RFX6: variants seen among roughly 807,000 people sequenced by gnomAD.
RFX6 encodes the protein regulatory factor X6.
A neutral mutation model predicts 110.8 loss-of-function variants in RFX6; 50 were observed. The ratio of observed to expected loss-of-function variants is 0.45; its 90% confidence interval spans 0.36 to 0.57. RFX6 has a LOEUF of 0.57. RFX6 is among the 20% of genes least tolerant of loss of function. RFX6 has a pLI of 0.00. For missense variants in RFX6, 990 were observed against 1,127.0 expected (o/e 0.88, Z 1.74); for synonymous variants, 383 against 411.2 (o/e 0.93, Z 0.83).
At chr6:116,884,612 G>A (rs1259564903) in intron 4 of RFX6, among the ~76,000 whole-genome samples, 1 of 152,144 alleles carries the variant, frequency 6.6e-6, no homozygotes, top group Admixed American at 6.6e-5. Flanking sequence ...TAAATAGATA[G>A]GGGGAAAAGA....
Position 116,877,825 on chromosome 6 carries a change from T to C in RFX6, c.253T>C (p.Ser85Pro). 6.2e-7 allele frequency: 1 copy of C among 1,614,098 alleles called. No homozygotes were observed. Among genetic ancestry groups the C allele is most frequent in the Non-Finnish European group, 8.5e-7 (1 of 1,180,016 alleles). Reference sequence around the variant, plus strand: ...GCACTTAAACAATGGTAACTTTTCCTCTGAAGAAGAGGACGCCGACAACCA... The same window carrying C: ...GCACTTAAACAATGGTAACTTTTCCCCTGAAGAAGAGGACGCCGACAACCA... ...EMHLNNGNFS[S>P]EEEDADNHDS... Residue 85 changes from serine (S) to proline (P), a missense_variant, in exon 2 of 19, where the codon TCT becomes CCT. Transcript: ENST00000332958.
intron 6 of RFX6, among the ~76,000 whole-genome samples, chr6:116,897,922 G>A (rs1018242322): frequency 1.3e-5 from 2 of 152,108 alleles, no homozygotes; most frequent in Non-Finnish European, 2.9e-5. Context: ...TTAGTTTGAT[G>A]GTGATTGAAG....
At chr6:116,917,007 T>C (rs1775482665) in intron 9 of RFX6, among the ~76,000 whole-genome samples, 1 of 152,128 alleles carries the variant, frequency 6.6e-6, no homozygotes, top group Non-Finnish European at 1.5e-5. Context: ...AGCTTTCCTT[T>C]TAAAAAATAA....
At chr6:116,930,257 T>C (rs1468768991) in intron 18 of RFX6, among the ~76,000 whole-genome samples, 1 of 149,482 alleles carries the variant, frequency 6.7e-6, no homozygotes, top group Non-Finnish European at 1.5e-5. Context: ...TTCAACTATT[T>C]CTTAAGTATA....
chr6:116,908,613 T>C lies in RFX6; in HGVS notation c.673-2322T>C, dbSNP rs931449226. Among the ~76,000 whole-genome samples, 13 of 152,038 alleles carry C rather than the reference T, an allele frequency of 8.6e-5. 1 individual carries two copies. In the South Asian group the frequency reaches 1.0e-3, roughly 12 times the overall value. On this transcript the variant is annotated intron_variant, in intron 6 of 18. Transcript: ENST00000332958. Reference sequence around the variant, plus strand: ...TTACCACTAAGTAAGACATTTGCTGTGGGCTTCTGATAGATATTCTTTGTA... The same window carrying C: ...TTACCACTAAGTAAGACATTTGCTGCGGGCTTCTGATAGATATTCTTTGTA...
At chr6:116,885,854 G>A (rs1774689208) in intron 4 of RFX6, among the ~76,000 whole-genome samples, 1 of 152,036 alleles carries the variant, frequency 6.6e-6, no homozygotes, top group Non-Finnish European at 1.5e-5. Context: ...TATATTAACA[G>A]CAAATTTGTA....
chr6:116,919,378 CAT>C, intron 11 of RFX6, 82 bp downstream of exon 11: 1 of 1,296,128 alleles, frequency 7.7e-7, no homozygotes, highest in South Asian at 1.2e-5. Flanking sequence ...GAGGAACTTT[CAT>C]AGATTGAAGG....
At chr6:116,925,432 C>G in intron 15 of RFX6, 21 bp from the exon 16 acceptor site, 4 of 1,600,234 alleles carry the variant, frequency 2.5e-6, no homozygotes, top group Non-Finnish European at 3.4e-6. Flanking sequence ...TCAAATTTCC[C>G]ATTTTAAAAA....
intron 15 of RFX6, 117 bp from the exon 16 acceptor site, chr6:116,925,333 TTAG>T (rs1775687136): frequency 1.1e-6 from 1 of 900,604 alleles, no homozygotes; most frequent in African/African-American, 1.6e-5. Context: ...GAAACATTGC[TTAG>T]TAGTTTCCAG....
intron 6 of RFX6, among the ~76,000 whole-genome samples, chr6:116,909,427 G>T (rs1775282129): frequency 6.6e-6 from 1 of 151,632 alleles, no homozygotes. Flanking sequence ...TTATTTTCTT[G>T]TTTCCTATAT....
intron 6 of RFX6, among the ~76,000 whole-genome samples, chr6:116,901,403 A>G (rs1775072188): frequency 6.6e-6 from 1 of 152,184 alleles, no homozygotes; most frequent in Non-Finnish European, 1.5e-5. Flanking sequence ...TGCTTACTGT[A>G]TTGGACAGGA....
rs1481830692 is a variant in RFX6, at chr6:116,880,200, A to C, written c.381-344A>C. ...ACTAAGAATGTTTTAAAAAATACCCATCATCTTCAATTTCACCATTCATAT... is the reference window on the plus strand; with the variant it reads ...ACTAAGAATGTTTTAAAAAATACCCCTCATCTTCAATTTCACCATTCATAT... On this transcript the variant is annotated intron_variant, in intron 2 of 18. Transcript: ENST00000332958. Among the ~76,000 whole-genome samples, 3 of 152,044 alleles carry C rather than the reference A, an allele frequency of 2.0e-5. No homozygotes were observed. The East Asian group carries it at 5.8e-4, about 29-fold the overall frequency.
intron 6 of RFX6, among the ~76,000 whole-genome samples, chr6:116,901,768 A>G (rs1212968885): frequency 1.3e-5 from 2 of 152,142 alleles, no homozygotes; most frequent in Non-Finnish European, 2.9e-5. Flanking sequence ...AATATGGACC[A>G]AAGGAACTCT....
At chr6:116,926,268 C>G (rs934664629) in intron 16 of RFX6, among the ~76,000 whole-genome samples, 2 of 152,088 alleles carry the variant, frequency 1.3e-5, no homozygotes, top group East Asian at 3.9e-4. Flanking sequence ...AGCTGGGTGA[C>G]GAGAGTGAAG....
In RFX6 at chr6:116,931,966, GAAATGTTT is replaced by G. The variant is rs1284286994; in HGVS notation, c.*462_*469del. The G allele has an allele frequency of 6.1e-6, 1 of 164,186 alleles. No individual in the cohort carries two copies. The highest frequency in any genetic ancestry group is 1.3e-5 in the Non-Finnish European group (1 of 75,304). The allele number at this position is 164,186 out of a possible 1,614,324, so 10.2% of individuals were successfully genotyped here. A position where few individuals can be genotyped will look rare whatever the true frequency, so the allele number is the denominator to read the frequency against. Reference sequence around the variant, plus strand: ...AAATGTGTATGTTCTACCTCCAACGGAAATGTTTACAAGGTCAAGACTTAATTCAATTC... The same window carrying G: ...AAATGTGTATGTTCTACCTCCAACGGACAAGGTCAAGACTTAATTCAATTC... On this transcript the variant is annotated 3_prime_UTR_variant, in exon 19 of 19. Coordinates refer to ENST00000332958, the MANE Select transcript of RFX6 (RefSeq NM_173560.4).
At chr6:116,885,436 G>C (rs1197178687) in intron 4 of RFX6, among the ~76,000 whole-genome samples, 1 of 152,096 alleles carries the variant, frequency 6.6e-6, no homozygotes, top group Non-Finnish European at 1.5e-5. Context: ...CACACACACA[G>C]ATGCATGCAC....
rs1354980702 is a variant in RFX6, at chr6:116,923,126, G to T, written c.1457G>T (p.Arg486Met). Residue 486 changes from arginine (R) to methionine (M), a missense_variant, in exon 14 of 19, where the codon AGG (arginine) becomes ATG (methionine). Arg to Met is a moderately conservative substitution (Grantham distance 91). This residue lies in a region of RFX6 where 89 missense variants were observed against 140.3 expected (regional missense o/e 0.63). Transcript: ENST00000332958. ...TTTTAGACCAGCAAACAAAATGGAA[G>T]GTCATTAAAGAAGAGAGCTCAAGAC... ...RVIKTSKQNG[R>M]SLKKRAQDFL... The T allele has an allele frequency of 1.9e-6, 3 of 1,600,264 alleles. No individual in the cohort carries two copies. The African/African-American group carries it at 4.0e-5, about 21-fold the overall frequency.
At chr6:116,907,391 C>A (rs1348984726) in intron 6 of RFX6, among the ~76,000 whole-genome samples, 1 of 152,062 alleles carries the variant, frequency 6.6e-6, no homozygotes, top group African/African-American at 2.4e-5. Context: ...TTACAAAGTA[C>A]TCCTTCCTCT....
chr6:116,879,488 CT>C (rs1191099782), intron 2 of RFX6, among the ~76,000 whole-genome samples: 4 of 151,434 alleles, frequency 2.6e-5, no homozygotes, highest in Non-Finnish European at 4.4e-5. Context: ...AGTTTTTGGT[CT>C]TTTTTTGTTC....
Sources: allele counts gnomAD v4.1 joint callset (sites outside exome capture counted in the v4.1 genomes callset), GRCh38; gene constraint gnomAD v4.1.1; regional missense constraint gnomAD v4.1.1; transcripts MANE v1.5; gene names NCBI Gene and HGNC (gene_info 2026-07-23, HGNC 2026-07-21).